Variants in ADAMTS16 observed in about 807,000 individuals in gnomAD.
The protein encoded by ADAMTS16 is ADAM metallopeptidase with thrombospondin type 1 motif 16.
In ADAMTS16, 94 loss-of-function variants were observed where a neutral mutation model predicts 145.8. The observed-to-expected ratio is 0.64, with a 90% CI of 0.55 to 0.77. The LOEUF is 0.77. Ranked by LOEUF, ADAMTS16 falls within the 30% of genes least tolerant of loss-of-function variation. The pLI is 0.00. For synonymous variants in ADAMTS16, 659 were observed against 604.3 expected, an observed-to-expected ratio of 1.09 and a Z score of -1.33; for missense variants, 1,585 against 1,591.5, an observed-to-expected ratio of 1.00 and a Z score of 0.07.
In ADAMTS16 at chr5:5,182,186, G is replaced by T; in HGVS notation, c.644G>T (p.Gly215Val). Residue 215 changes from glycine (G) to valine (V), a missense_variant, in exon 4 of 23, where the codon GGG becomes GTG. By Grantham distance (109) the Gly-to-Val change is moderately radical. This residue lies in a region of ADAMTS16 where 453 missense variants were observed against 412.1 expected (regional missense o/e 1.10). Coordinates refer to ENST00000274181, the MANE Select transcript of ADAMTS16 (RefSeq NM_139056.4). ...AGATCCACAGAGCCCCATGCTCCTG[G>T]GGCCAGTGAGGTCCTGGTGACCTCA... ...YKRSTEPHAP[G>V]ASEVLVTSRT... 6.2e-7 allele frequency: 1 copy of T among 1,614,100 alleles called. No homozygotes were observed. The highest frequency in any genetic ancestry group is 8.5e-7 in the Non-Finnish European group (1 of 1,180,008).
chr5:5,162,761 AGAGG>A, intron 3 of ADAMTS16, among the ~76,000 whole-genome samples: 1 of 33,174 alleles, frequency 3.0e-5, no homozygotes, highest in East Asian at 6.7e-4. Flanking sequence ...AGAAGAGAAG[AGAGG>A]AGAGGAGAGG....
Position 5,306,694 on chromosome 5 carries a change from C to T in ADAMTS16, c.3377C>T (p.Ser1126Leu), listed in dbSNP as rs72647762. 1.7e-5 allele frequency: 28 copies of T among 1,612,858 alleles called. No individual in the cohort carries two copies. The highest frequency in any genetic ancestry group is 1.3e-4 in the East Asian group (6 of 44,866). Residue 1126 changes from serine (S) to leucine (L), a missense_variant, in exon 21 of 23, where the codon TCG (serine) becomes TTG (leucine). Ser to Leu is a moderately radical substitution (Grantham distance 145). Transcript: ENST00000274181. ...RHPPFAAAGP[S>L]RGSWFASPWS... The stretch of plus-strand genomic sequence containing the variant: ...CCCCCATTTGCTGCTGCGGGACCCT[C>T]GAGGGGCAGCTGGTTTGCCTCACCC...
At chr5:5,206,412 C>A (rs541614048) in intron 9 of ADAMTS16, among the ~76,000 whole-genome samples, 2 of 64,646 alleles carry the variant, frequency 3.1e-5, no homozygotes, top group African/African-American at 1.4e-4. Flanking sequence ...GGCGACAGAG[C>A]GAGACTCCGT....
chr5:5,228,432 G>A (rs893873216), intron 11 of ADAMTS16, among the ~76,000 whole-genome samples: 2 of 152,082 alleles, frequency 1.3e-5, no homozygotes, highest in Non-Finnish European at 1.5e-5. Context: ...AATCAAAGAA[G>A]CTAAGTAACA....
chr5:5,243,761 C>A (rs1341919981), intron 17 of ADAMTS16, among the ~76,000 whole-genome samples: 3 of 152,170 alleles, frequency 2.0e-5, no homozygotes, highest in Admixed American at 6.5e-5. Context: ...TTTCAATATA[C>A]CAGATTCACT....
chr5:5,239,028 C>A, intron 14 of ADAMTS16, 123 bp from the exon 15 acceptor site: 1 of 1,082,450 alleles, frequency 9.2e-7, no homozygotes, highest in Non-Finnish European at 1.2e-6. Flanking sequence ...TATTTGTTAA[C>A]TACCCTATGT....
chr5:5,187,976 T>C (rs533622348), intron 6 of ADAMTS16, among the ~76,000 whole-genome samples, 168 bp downstream of exon 6: 2 of 152,234 alleles, frequency 1.3e-5, no homozygotes, highest in African/African-American at 4.8e-5. Flanking sequence ...TCCTTTTAAA[T>C]GTTTTTTGGA....
chr5:5,318,995 T>C (rs781209278), intron 22 of ADAMTS16, 28 bp from the exon 23 acceptor site: 1 of 1,541,008 alleles, frequency 6.5e-7, no homozygotes, highest in East Asian at 2.3e-5. Flanking sequence ...TCGGGATCGC[T>C]GAGTAATGCA....
intron 3 of ADAMTS16, among the ~76,000 whole-genome samples, chr5:5,155,296 GTCCCTGTTTCATTCCTA>G (rs1436201286): frequency 6.6e-6 from 1 of 152,078 alleles, no homozygotes; most frequent in Middle Eastern, 3.2e-3. Flanking sequence ...AACTCGCCCA[GTCCCTGTTTCATTCCTA>G]TCCCTGTTTC....
At chr5:5,261,837 C>T (rs1221908078) in intron 17 of ADAMTS16, among the ~76,000 whole-genome samples, 1 of 152,158 alleles carries the variant, frequency 6.6e-6, no homozygotes, top group Non-Finnish European at 1.5e-5. Flanking sequence ...AGTACATTCA[C>T]ATTGATGTAC....
chr5:5,153,278 G>A (rs1246407559), intron 3 of ADAMTS16, among the ~76,000 whole-genome samples: 2 of 152,188 alleles, frequency 1.3e-5, no homozygotes, highest in African/African-American at 2.4e-5. Context: ...AAGCACATAT[G>A]TGTACTTTAT....
intron 12 of ADAMTS16, among the ~76,000 whole-genome samples, chr5:5,234,433 G>C (rs1737032398): frequency 6.6e-6 from 1 of 152,164 alleles, no homozygotes; most frequent in African/African-American, 2.4e-5. Context: ...TGCCCACCCT[G>C]CCTCACCACT....
chr5:5,193,969 G>A (rs1344105369), intron 8 of ADAMTS16, among the ~76,000 whole-genome samples: 1 of 152,058 alleles, frequency 6.6e-6, no homozygotes, highest in Non-Finnish European at 1.5e-5. Flanking sequence ...AGGCATGGTG[G>A]TGTGCGTCTG....
intron 18 of ADAMTS16, 145 bp from the exon 19 acceptor site, chr5:5,303,123 C>G: frequency 1.2e-6 from 1 of 838,960 alleles, no homozygotes. Flanking sequence ...TAGGAATGCT[C>G]ACCCAGGAAA....
chr5:5,145,993 G>A (rs1241849668), intron 2 of ADAMTS16, 137 bp from the exon 3 acceptor site: 3 of 704,964 alleles, frequency 4.3e-6, no homozygotes, highest in Non-Finnish European at 7.0e-6. Context: ...TTCAGTATGG[G>A]TAGGTGTTGC....
At chr5:5,218,034 AC>A (rs1332061898) in intron 10 of ADAMTS16, among the ~76,000 whole-genome samples, 3 of 152,180 alleles carry the variant, frequency 2.0e-5, no homozygotes, top group Non-Finnish European at 4.4e-5. Flanking sequence ...GGACTCTAGA[AC>A]CGTGATTTAA....
At chr5:5,198,781 T>A (rs1181238894) in intron 8 of ADAMTS16, among the ~76,000 whole-genome samples, 4 of 152,202 alleles carry the variant, frequency 2.6e-5, no homozygotes. Context: ...AAGTACAGAT[T>A]CTCTTGACAC....
At chr5:5,239,350 G>T in intron 15 of ADAMTS16, 76 bp downstream of exon 15, 2 of 1,495,290 alleles carry the variant, frequency 1.3e-6, no homozygotes, top group Non-Finnish European at 1.8e-6. Context: ...AGCTTGAGGT[G>T]ACAGTGAAAA....
intron 17 of ADAMTS16, among the ~76,000 whole-genome samples, chr5:5,256,107 TA>T (rs1737772160): frequency 6.6e-6 from 1 of 152,250 alleles, no homozygotes; most frequent in Non-Finnish European, 1.5e-5. Flanking sequence ...ATTCCTCTTT[TA>T]TTTCCTAATT....
Sources: allele counts gnomAD v4.1 joint callset (sites outside exome capture counted in the v4.1 genomes callset), GRCh38; gene constraint gnomAD v4.1.1; regional missense constraint gnomAD v4.1.1; transcripts MANE v1.5; gene names NCBI Gene and HGNC (gene_info 2026-07-23, HGNC 2026-07-21).